Variants in DIDO1 observed in about 807,000 individuals in gnomAD.
DIDO1 encodes death-inducer obliterator 1.
DIDO1 carries 16 observed loss-of-function variants against 99.4 expected under a neutral mutation model. The observed-to-expected ratio is 0.16, with a 90% CI of 0.11 to 0.24. DIDO1 has a LOEUF of 0.24. DIDO1 is among the 10% of genes least tolerant of loss of function. DIDO1 has a pLI of 1.00. For synonymous variants in DIDO1, 1,366 were observed against 1,239.1 expected (o/e 1.10, Z -2.15); for missense variants, 2,996 against 3,014.0 (o/e 0.99, Z 0.14).
In DIDO1 at chr20:62,925,095, TCA is replaced by T. The variant is rs142335210; in HGVS notation, c.-200+1342_-200+1343del. 4.6e-3 allele frequency among the ~76,000 whole-genome samples: 702 copies of T among 152,184 alleles called. 8 individuals carry two copies. The highest frequency in any genetic ancestry group is 0.016 in the African/African-American group (673 of 41,510). On this transcript the variant is annotated intron_variant, in intron 1 of 15. Coordinates refer to ENST00000395343, the MANE Select transcript of DIDO1 (RefSeq NM_001193369.2). Reference sequence around the variant, plus strand: ...TGCCGTATTTAAAATAGTGAAATAGTCACAGACACACATACACTAACAGCAAC... The same window carrying T: ...TGCCGTATTTAAAATAGTGAAATAGTCAGACACACATACACTAACAGCAAC...
Position 62,887,710 on chromosome 20 carries a change from G to A in DIDO1, c.3541+3250C>T, listed in dbSNP as rs116725244. The A allele has an allele frequency of 1.3e-5, 13 of 985,476 alleles. No homozygotes were observed. The African/African-American group carries it at 2.3e-4, about 17-fold the overall frequency. The allele number at this position is 985,476 out of a possible 1,614,324, so 61.0% of individuals were successfully genotyped here. A position where few individuals can be genotyped will look rare whatever the true frequency, so the allele number is the denominator to read the frequency against. On this transcript the variant is annotated intron_variant, in intron 15 of 15. Transcript: ENST00000395343. ...GGCCCTGCACAGAACCCTACACGATGAGCTTTCAACCTGACTCATCTCCCT... is the reference window on the plus strand; with the variant it reads ...GGCCCTGCACAGAACCCTACACGATAAGCTTTCAACCTGACTCATCTCCCT...
intron 14 of DIDO1, 65 bp from the exon 15 acceptor site, chr20:62,891,220 A>C: frequency 6.2e-7 from 1 of 1,603,038 alleles, no homozygotes; most frequent in South Asian, 1.1e-5. Context: ...CGCCCAATTC[A>C]CATCCTGCTT....
chr20:62,937,557 G>A (rs769977447), intron 1 of DIDO1, among the ~76,000 whole-genome samples: 5 of 152,234 alleles, frequency 3.3e-5, no homozygotes, highest in Admixed American at 1.3e-4. Context: ...GTGAGGACGC[G>A]CTCAACAACA....
chr20:62,878,901 A>T lies in DIDO1; in HGVS notation c.*332T>A. 4.9e-6 allele frequency: 1 copy of T among 203,820 alleles called. No homozygotes were observed. The highest frequency in any genetic ancestry group is 9.7e-6 in the Non-Finnish European group (1 of 103,014). The allele number at this position is 203,820 out of a possible 1,614,324, so 12.6% of individuals were successfully genotyped here. ...AACACAAACGGATGAGATGTCAGTGAAGGTATGGCTCTAGGGTCCAACGAA... is the reference window on the plus strand; with the variant it reads ...AACACAAACGGATGAGATGTCAGTGTAGGTATGGCTCTAGGGTCCAACGAA... On this transcript the variant is annotated 3_prime_UTR_variant, in exon 16 of 16. Coordinates refer to ENST00000395343, the MANE Select transcript of DIDO1 (RefSeq NM_001193369.2).
At position 62,880,837 on chromosome 20, in the gene DIDO1, G is replaced by A. The variant is rs749562554; in HGVS notation, c.5119C>T (p.His1707Tyr). Residue 1707 changes from histidine to tyrosine, a missense_variant, in exon 16 of 16, where the codon CAT (histidine) becomes TAT (tyrosine). Physicochemically the swap from His to Tyr is moderately conservative, Grantham distance 83. This residue lies in a region of DIDO1 where 1,562 missense variants were observed against 1,412.6 expected (regional missense o/e 1.11). Transcript: ENST00000395343. ...GGGCTGCTGCTCCTTCCAGCAGAAT[G>A]AAGATTTCTTGGGTCCTCATACTGG... Reference protein sequence around the residue: ...SAQYEDPRNLHSAGRSSSPAG... With the variant: ...SAQYEDPRNLYSAGRSSSPAG... 37 of 1,612,712 alleles carry A rather than the reference G, an allele frequency of 2.3e-5. No individual in the cohort carries two copies. The highest frequency in any genetic ancestry group is 3.1e-5 in the Non-Finnish European group (37 of 1,179,978).
At chr20:62,907,672 G>C (rs142794071) in intron 4 of DIDO1, among the ~76,000 whole-genome samples, 5 of 152,342 alleles carry the variant, frequency 3.3e-5, no homozygotes, top group Non-Finnish European at 7.4e-5. Flanking sequence ...CCACGATGAG[G>C]CTCCGCTAGA....
intron 15 of DIDO1, among the ~76,000 whole-genome samples, chr20:62,886,589 G>C (rs2064301039): frequency 6.6e-6 from 1 of 152,170 alleles, no homozygotes; most frequent in Admixed American, 6.5e-5. Flanking sequence ...TCAGGGTGCA[G>C]GAAGCACCCT....
At chr20:62,933,175 C>A (rs1331535608) in intron 1 of DIDO1, among the ~76,000 whole-genome samples, 1 of 152,222 alleles carries the variant, frequency 6.6e-6, no homozygotes, top group Non-Finnish European at 1.5e-5. Context: ...CGTGCCATTG[C>A]ACTCCAGCCT....
At chr20:62,889,976 C>G (rs1374601575) in intron 15 of DIDO1, 1 of 985,492 alleles carries the variant, frequency 1.0e-6, no homozygotes, top group East Asian at 1.1e-4. Context: ...CCTGGGGCGA[C>G]AGAAGTCCCG....
Position 62,891,083 on chromosome 20 carries a change from A to C in DIDO1, c.3418T>G (p.Phe1140Val). ...ACACCAAAGCGGCCACGGCTGCTGAAATAGGAGTAGAGAGAGATATAGGCG... is the reference window on the plus strand; with the variant it reads ...ACACCAAAGCGGCCACGGCTGCTGACATAGGAGTAGAGAGAGATATAGGCG... Reference protein sequence around the residue: ...EVAYISLYSYFSSRGRFGVVA... With the variant: ...EVAYISLYSYVSSRGRFGVVA... The change falls in exon 15 of 16, where the codon TTC becomes GTC. Residue 1140 changes from phenylalanine (F) to valine (V), a missense_variant. This residue lies in a region of DIDO1 where 135 missense variants were observed against 202.3 expected (regional missense o/e 0.67). Transcript: ENST00000395343. The C allele has an allele frequency of 6.2e-7, 1 of 1,614,154 alleles. No individual in the cohort carries two copies. The highest frequency in any genetic ancestry group is 8.5e-7 in the Non-Finnish European group (1 of 1,180,030).
rs1161384551 is a variant in DIDO1 at position 62,914,225 on chromosome 20, A to G, written c.-18T>C. The G allele has an allele frequency of 6.6e-6, 1 of 152,168 alleles. No homozygotes were observed. Among genetic ancestry groups the G allele is most frequent in the Non-Finnish European group, 1.5e-5 (1 of 68,022 alleles). The allele number at this position is 152,168 out of a possible 1,614,324, so 9.4% of individuals were successfully genotyped here. On this transcript the variant is annotated 5_prime_UTR_variant, in exon 2 of 16. Transcript: ENST00000395343. ...GATACCTTACCTGCTCCAACACTGA[A>G]AGCTTGGACACTTTTCCCTGAAATC...
intron 6 of DIDO1, among the ~76,000 whole-genome samples, chr20:62,901,134 A>G (rs937009333): frequency 6.6e-6 from 1 of 152,240 alleles, no homozygotes; most frequent in African/African-American, 2.4e-5. Flanking sequence ...GTTGCGGGGA[A>G]ACAGTTACTT....
upstream of DIDO1, among the ~76,000 whole-genome samples, chr20:62,928,072 C>G (rs774162626): frequency 6.6e-6 from 1 of 152,196 alleles, no homozygotes; most frequent in Non-Finnish European, 1.5e-5. Flanking sequence ...GAGGCTCTCT[C>G]TAAATCCAAC....
At chr20:62,905,124 T>G (rs2147468298) in intron 6 of DIDO1, 2 of 1,002,396 alleles carry the variant, frequency 2.0e-6, no homozygotes, top group East Asian at 1.0e-4. Flanking sequence ...AATTTGAAAT[T>G]TGGGGCAGGA....
chr20:62,923,693 A>G (rs1199234054), intron 1 of DIDO1, among the ~76,000 whole-genome samples: 1 of 152,202 alleles, frequency 6.6e-6, no homozygotes, highest in Non-Finnish European at 1.5e-5. Flanking sequence ...AGTTTCCTGT[A>G]TGTGTATTAC....
chr20:62,885,706 C>T (rs753892337), intron 15 of DIDO1, among the ~76,000 whole-genome samples: 8 of 152,208 alleles, frequency 5.3e-5, no homozygotes, highest in Admixed American at 2.6e-4. Flanking sequence ...AAGGCACACC[C>T]GCTGTGAAAC....
At chr20:62,895,816 C>T (rs981573478) in intron 8 of DIDO1, among the ~76,000 whole-genome samples, 1 of 152,190 alleles carries the variant, frequency 6.6e-6, no homozygotes, top group Admixed American at 6.5e-5. Flanking sequence ...CCCAAACCAT[C>T]AGGCTCACTC....
At chr20:62,897,503 G>A (rs941536204) in intron 6 of DIDO1, among the ~76,000 whole-genome samples, 13 of 152,176 alleles carry the variant, frequency 8.5e-5, no homozygotes, top group East Asian at 3.8e-4. Flanking sequence ...CATTGGAGGC[G>A]ATGCCATTAA....
intron 15 of DIDO1, chr20:62,887,181 C>T: frequency 1.0e-6 from 1 of 985,444 alleles, no homozygotes; most frequent in Non-Finnish European, 1.2e-6. Context: ...CAGGAGCCAC[C>T]AAATGGTTCC....
Sources: allele counts gnomAD v4.1 joint callset (sites outside exome capture counted in the v4.1 genomes callset), GRCh38; gene constraint gnomAD v4.1.1; regional missense constraint gnomAD v4.1.1; transcripts MANE v1.5; gene names NCBI Gene and HGNC (gene_info 2026-07-23, HGNC 2026-07-21).